SRM: variants seen among roughly 807,000 people sequenced by gnomAD.
The protein encoded by SRM is putrescine aminopropyltransferase.
SRM carries 14 observed loss-of-function variants against 39.3 expected under a neutral mutation model. The ratio of observed to expected loss-of-function variants is 0.36; its 90% CI spans 0.24 to 0.56. The LOEUF (loss-of-function observed/expected upper bound fraction) is 0.56, where lower values mean the gene tolerates loss of function less well. SRM is among the 20% of genes least tolerant of loss of function. The probability of loss-of-function intolerance (pLI) is 0.86; values close to 1 mark genes in which losing one functional copy is unlikely to be tolerated. For missense variants in SRM, 244 were observed against 409.2 expected (o/e 0.60, Z 3.48); for synonymous variants, 195 against 173.1 (o/e 1.13, Z -0.99).
rs7545802 is a variant in SRM at position 11,059,842 on chromosome 1, T to A, written c.102A>T (p.Ser34=). Reference sequence around the variant, plus strand: ...GGTGGAGCAGCTGCTCCACCTGCAGTGACAGGGCCTGGCCGGGCCACAGGC... The same window carrying A: ...GGTGGAGCAGCTGCTCCACCTGCAGAGACAGGGCCTGGCCGGGCCACAGGC... ...TCSLWPGQAL[S]LQVEQLLHHR... Residue 34 remains serine (S), a synonymous_variant, in exon 1 of 8, where the codon TCA becomes TCT. Transcript: ENST00000376957. The A allele has an allele frequency of 1.3e-6, 2 of 1,568,060 alleles. No individual in the cohort carries two copies. Among genetic ancestry groups the A allele is most frequent in the African/African-American group, 2.8e-5 (2 of 70,864 alleles).
intron 4 of SRM, 23 bp from the exon 5 acceptor site, chr1:11,056,117 C>A: frequency 6.3e-7 from 1 of 1,590,330 alleles, no homozygotes. Context: ...GAGGGAGACA[C>A]ACTGAACAGT....
At chr1:11,059,538 G>C (rs952637196) in intron 1 of SRM, 193 bp from the exon 2 acceptor site, 2 of 1,015,928 alleles carry the variant, frequency 2.0e-6, no homozygotes, top group African/African-American at 3.2e-5. Context: ...GTCTCCTCGG[G>C]CTCTGACGTG....
In SRM at chr1:11,054,725, C is replaced by T. The variant is rs1256564371; in HGVS notation, c.*140G>A. 1.4e-5 allele frequency: 17 copies of T among 1,244,308 alleles called. No homozygotes were observed. Among genetic ancestry groups the T allele is most frequent in the South Asian group, 6.2e-5 (4 of 64,358 alleles). The allele number at this position is 1,244,308 out of a possible 1,614,324, so 77.1% of individuals were successfully genotyped here. ...AGACAGTCCGCCCAGCAGGGCAGGC[C>T]GGGCAGCATTCTGGGGCTTGTAACA... On this transcript the variant is annotated 3_prime_UTR_variant, in exon 8 of 8. Coordinates refer to ENST00000376957, the MANE Select transcript of SRM (RefSeq NM_003132.3). The surrounding 1 kb of genome is among the most constrained non-coding windows in gnomAD (Gnocchi z 4.8).
chr1:11,057,419 G>A (rs1256920756), intron 3 of SRM, among the ~76,000 whole-genome samples: 5 of 149,404 alleles, frequency 3.3e-5, no homozygotes, highest in Admixed American at 6.7e-5. Context: ...TCAGCCTCCC[G>A]AGTAGTTGGG....
intron 6 of SRM, 28 bp downstream of exon 6, chr1:11,055,753 C>CCCCCCCCCCCCCACACCCCCCAAA: frequency 8.3e-7 from 1 of 1,205,844 alleles, no homozygotes; most frequent in Non-Finnish European, 1.2e-6. Context: ...TTCCCCCCAA[C>CCCCCCCCCCCCCACACCCCCCAAA]CCCCACCCCC....
Position 11,059,804 on chromosome 1 carries a change from C to T in SRM, c.140G>A (p.Arg47His). ...GCGGAAGACGAGGATGTCCTGGTAG[C>T]GCGAGCGCCGGTGGTGGAGCAGCTG... ...VEQLLHHRRSRYQDILVFRSK... is the reference protein window; with the variant it reads ...VEQLLHHRRSHYQDILVFRSK... The change falls in exon 1 of 8, where the codon CGC (arginine) becomes CAC (histidine). Residue 47 changes from arginine (R) to histidine (H), a missense_variant. Transcript: ENST00000376957. 6.3e-7 allele frequency: 1 copy of T among 1,577,642 alleles called. No homozygotes were observed. The highest frequency in any genetic ancestry group is 8.5e-7 in the Non-Finnish European group (1 of 1,171,400).
chr1:11,055,883 C>A lies in SRM; in HGVS notation c.663G>T (p.Arg221=), dbSNP rs1240015609. 1.2e-6 allele frequency: 2 copies of A among 1,611,102 alleles called. No homozygotes were observed. Among genetic ancestry groups the A allele is most frequent in the Non-Finnish European group, 1.7e-6 (2 of 1,178,342 alleles). ...WLHLDLIKEM[R]QFCQSLFPVV... ...CGGGGAACAGGGACTGGCAGAACTG[C>A]CGCATCTCCTTGATGAGGTCCAGGT... Residue 221 remains arginine, a synonymous_variant, in exon 6 of 8, where the codon CGG becomes CGT. Transcript: ENST00000376957.
At position 11,059,932 on chromosome 1, in the gene SRM, G is replaced by A. The variant is rs1638952664; in HGVS notation, c.12C>T (p.Gly4=). ...GGCCGGAGGCGGCGGGGCCGTCGGG[G>A]CCGGGCTCCATGGCGGGCGGGCGGG... MEP[G]PDGPAASGPA... is the part of the protein sequence containing the mutation. The change falls in exon 1 of 8, where the codon GGC becomes GGT. Residue 4 remains glycine, a synonymous_variant. Transcript: ENST00000376957. The A allele has an allele frequency of 1.0e-5, 12 of 1,194,038 alleles. No homozygotes were observed. Among genetic ancestry groups the A allele is most frequent in the Non-Finnish European group, 1.2e-5 (12 of 965,632 alleles). The allele number at this position is 1,194,038 out of a possible 1,614,324, so 74.0% of individuals were successfully genotyped here.
Position 11,059,300 on chromosome 1 carries a change from G to A in SRM, c.213C>T (p.Cys71=). 1 of 1,613,784 alleles carries A rather than the reference G, an allele frequency of 6.2e-7. No homozygotes were observed. Among genetic ancestry groups the A allele is most frequent in the Non-Finnish European group, 8.5e-7 (1 of 1,179,996 alleles). ...GGTAGGAGAACTCGTCTCTCTCCGT[G>A]CACTGGATGACACCGTCCAACACCA... ...NVLVLDGVIQ[C]TERDEFSYQE... Residue 71 remains cysteine, a synonymous_variant, in exon 2 of 8, where the codon TGC becomes TGT. Transcript: ENST00000376957.
intron 3 of SRM, among the ~76,000 whole-genome samples, chr1:11,057,694 C>T (rs546945397): frequency 6.6e-6 from 1 of 151,778 alleles, no homozygotes; most frequent in East Asian, 1.9e-4. Flanking sequence ...CTGACCACCC[C>T]CCATGCATTC....
Position 11,059,759 on chromosome 1 carries a change from T to C in SRM, c.167+18A>G. ...GGGCTGAGCCTAGGGGGCAGGCGCC[T>C]GCGGGCAGCGGCGGTACCTGCGGAA... On this transcript the variant is annotated intron_variant, in intron 1 of 7. Transcript: ENST00000376957. The C allele has an allele frequency of 6.4e-7, 1 of 1,557,344 alleles. No individual in the cohort carries two copies. The highest frequency in any genetic ancestry group is 8.6e-7 in the Non-Finnish European group (1 of 1,160,022).
At chr1:11,055,221 G>A in intron 6 of SRM, 137 bp from the exon 7 acceptor site, 2 of 1,299,810 alleles carry the variant, frequency 1.5e-6, no homozygotes, top group South Asian at 3.2e-5. Context: ...AGGTTCAAGT[G>A]ATTCTCCTGC....
intron 6 of SRM, among the ~76,000 whole-genome samples, chr1:11,055,564 G>A (rs1460409530): frequency 8.6e-5 from 13 of 152,044 alleles, no homozygotes; most frequent in African/African-American, 9.7e-5. Flanking sequence ...ACAGGCGCGC[G>A]CTGCCATGCC....
At position 11,059,554 on chromosome 1, in the gene SRM, A is replaced by G. The variant is rs1638940028; in HGVS notation, c.168-209T>C. The G allele has an allele frequency of 5.3e-6, 5 of 944,790 alleles. No individual in the cohort carries two copies. The South Asian group carries it at 8.5e-5, about 16-fold the overall frequency. 58.5% of individuals were successfully genotyped at this position (944,790 alleles called of 1,614,324 possible). A position where few individuals can be genotyped will look rare whatever the true frequency, so the allele number is the denominator to read the frequency against. On this transcript the variant is annotated intron_variant, in intron 1 of 7. Coordinates refer to ENST00000376957, the MANE Select transcript of SRM (RefSeq NM_003132.3). The stretch of plus-strand genomic sequence containing the variant: ...TCTCCTCGGGCTCTGACGTGTCCTG[A>G]GGGCTGACACGTGGAGCGGGGCGCA...
chr1:11,058,987 C>T (rs2100923798), intron 2 of SRM, 95 bp from the exon 3 acceptor site: 1 of 1,332,408 alleles, frequency 7.5e-7, no homozygotes, highest in Non-Finnish European at 1.0e-6. Flanking sequence ...ACCCACGGGC[C>T]TCATCTTTTT....
intron 3 of SRM, among the ~76,000 whole-genome samples, chr1:11,058,325 A>C (rs1368881623): frequency 6.6e-6 from 1 of 152,012 alleles, no homozygotes; most frequent in East Asian, 1.9e-4. Flanking sequence ...CTTTGGGAGG[A>C]CGAGGCTGGC....
rs1237152829 is a variant in SRM at position 11,059,747 on chromosome 1, G to T, written c.167+30C>A. The T allele has an allele frequency of 4.5e-6, 7 of 1,568,604 alleles. No individual in the cohort carries two copies. In the African/African-American group the frequency reaches 8.4e-5, roughly 19 times the overall value. ...AGCAGGCGGCCCGGGCTGAGCCTAGGGGGCAGGCGCCTGCGGGCAGCGGCG... is the reference window on the plus strand; with the variant it reads ...AGCAGGCGGCCCGGGCTGAGCCTAGTGGGCAGGCGCCTGCGGGCAGCGGCG... On this transcript the variant is annotated intron_variant, in intron 1 of 7. Coordinates refer to ENST00000376957, the MANE Select transcript of SRM (RefSeq NM_003132.3).
rs372210836 is a variant in SRM, at chr1:11,055,006, C to T, written c.844G>A (p.Asp282Asn). 41 of 1,612,578 alleles carry T rather than the reference C, an allele frequency of 2.5e-5. 1 individual carries two copies. The highest frequency in any genetic ancestry group is 3.4e-4 in the Middle Eastern group (2 of 5,810). The change falls in exon 7 of 8, where the codon GAC (aspartate) becomes AAC (asparagine). Residue 282 changes from aspartate (D) to asparagine (N), a missense_variant. By Grantham distance (23) the Asp-to-Asn change is conservative. Coordinates refer to ENST00000376957, the MANE Select transcript of SRM (RefSeq NM_003132.3). ...AQMQLKYYNS[D>N]VHRAAFVLPE... ...AGCACAAAGGCGGCGCGGTGCACGT[C>T]GGAGTTGTAGTACTTCAGCTGCATC... is the stretch of plus-strand genomic sequence containing the variant.
chr1:11,059,538 G>T, intron 1 of SRM, 193 bp from the exon 2 acceptor site: 1 of 1,016,046 alleles, frequency 9.8e-7, no homozygotes, highest in Non-Finnish European at 1.4e-6. Context: ...GTCTCCTCGG[G>T]CTCTGACGTG....
Sources: gnomAD v4.1 joint callset for allele counts (sites outside exome capture counted in the v4.1 genomes callset) on GRCh38, gnomAD v4.1.1 for gene constraint, Gnocchi (gnomAD v3.1) non-coding constraint, MANE v1.5 for transcripts, NCBI Gene and HGNC (gene_info 2026-07-23, HGNC 2026-07-21) for gene names.